RNF157: variants seen among roughly 807,000 people sequenced by gnomAD.
RNF157 encodes the protein ring finger protein 157.
A neutral mutation model predicts 88.3 loss-of-function variants in RNF157; 55 were observed. The observed-to-expected ratio is 0.62, with a 90% confidence interval of 0.50 to 0.78. The LOEUF (loss-of-function observed/expected upper bound fraction) is 0.78, where lower values mean the gene tolerates loss of function less well. Among genes scored for constraint, RNF157 ranks in the 30% least tolerant of loss-of-function variants. RNF157 has a pLI of 0.00. For synonymous variants in RNF157, 334 were observed against 341.2 expected (o/e 0.98, Z 0.23); for missense variants, 788 against 860.8 (o/e 0.92, Z 1.06).
intron 1 of RNF157, among the ~76,000 whole-genome samples, chr17:76,216,857 T>C (rs971939955): frequency 6.6e-6 from 1 of 151,752 alleles, no homozygotes; most frequent in Non-Finnish European, 1.5e-5. Context: ...CGCCATTACA[T>C]TCCAGTCTGG....
intron 2 of RNF157, among the ~76,000 whole-genome samples, chr17:76,204,854 G>A (rs945310602): frequency 1.0e-4 from 15 of 149,526 alleles, no homozygotes; most frequent in African/African-American, 3.5e-4. Context: ...GTGCGATCTC[G>A]GCTCACTGAA....
intron 2 of RNF157, among the ~76,000 whole-genome samples, chr17:76,182,829 C>CTA (rs1294848726): frequency 9.3e-5 from 10 of 107,274 alleles, no homozygotes; most frequent in African/African-American, 3.0e-4. Flanking sequence ...CCTATATATC[C>CTA]TATATATGAT....
At chr17:76,216,282 G>A (rs2069887019) in intron 1 of RNF157, among the ~76,000 whole-genome samples, 1 of 152,172 alleles carries the variant, frequency 6.6e-6, no homozygotes, top group African/African-American at 2.4e-5. Flanking sequence ...GATTGGCTTA[G>A]AGGTGGCCAT....
chr17:76,205,110 T>A (rs972946376), intron 2 of RNF157, among the ~76,000 whole-genome samples: 1 of 150,818 alleles, frequency 6.6e-6, no homozygotes, highest in Non-Finnish European at 1.5e-5. Context: ...CCTCCCTCGT[T>A]CCCTCCCTTC....
At chr17:76,147,429 G>T in intron 18 of RNF157, 1 of 760,650 alleles carries the variant, frequency 1.3e-6, no homozygotes, top group Non-Finnish European at 1.6e-6. Context: ...GCAAGCCATG[G>T]AATGCTGGGC....
At chr17:76,164,680 G>T in intron 8 of RNF157, 68 bp downstream of exon 8, 1 of 886,364 alleles carries the variant, frequency 1.1e-6, no homozygotes, top group Non-Finnish European at 1.7e-6. Context: ...GGAGAGAGAA[G>T]AAGAAAGGAA....
chr17:76,189,331 T>TA (rs2069344502), intron 2 of RNF157, among the ~76,000 whole-genome samples: 2 of 152,170 alleles, frequency 1.3e-5, no homozygotes, highest in Non-Finnish European at 2.9e-5. Context: ...AATAAATTAT[T>TA]AAAAAAATTA....
intron 2 of RNF157, among the ~76,000 whole-genome samples, chr17:76,210,413 A>AC (rs1227010720): frequency 4.0e-5 from 6 of 151,474 alleles, no homozygotes; most frequent in South Asian, 4.2e-4. Context: ...ACACAGTGAA[A>AC]CCCCGTCTCT....
intron 2 of RNF157, among the ~76,000 whole-genome samples, chr17:76,192,841 CTTT>C (rs34816147): frequency 6.7e-5 from 9 of 134,258 alleles, no homozygotes; most frequent in East Asian, 2.1e-4. Context: ...ACTTTCTTTC[CTTT>C]TTTTTTTTTT....
intron 1 of RNF157, 22 bp from the exon 2 acceptor site, chr17:76,212,504 A>T: frequency 6.9e-7 from 1 of 1,442,588 alleles, no homozygotes; most frequent in Non-Finnish European, 9.7e-7. Flanking sequence ...CAAACAAAAA[A>T]AATCAAACAA....
chr17:76,152,555 A>G (rs768224650), intron 17 of RNF157, 90 bp from the exon 18 acceptor site: 17 of 733,410 alleles, frequency 2.3e-5, no homozygotes, highest in Non-Finnish European at 3.4e-5. Context: ...GGATGGAGAC[A>G]AAAAAAATCA....
chr17:76,161,957 A>G lies in RNF157; in HGVS notation c.838T>C (p.Cys280Arg). Residue 280 changes from cysteine (C) to arginine (R), a missense_variant, in exon 10 of 19, where the codon TGT becomes CGT. Transcript: ENST00000269391. This position sits in a 1 kb window ranked among gnomAD's most constrained non-coding sequence, Gnocchi z 4.6. ...AAGGTGTCCCGGACATCCGAGAGAC[A>G]CACCACACACTCGGCACTGTTATCA... is the stretch of plus-strand genomic sequence containing the variant. ...VSDNSAECVV[C>R]LSDVRDTLIL... 1 of 1,614,212 alleles carries G rather than the reference A, an allele frequency of 6.2e-7. No individual in the cohort carries two copies. The highest frequency in any genetic ancestry group is 2.2e-5 in the East Asian group (1 of 44,884).
chr17:76,224,606 C>T (rs902482418), intron 1 of RNF157, among the ~76,000 whole-genome samples: 4 of 151,870 alleles, frequency 2.6e-5, no homozygotes, highest in African/African-American at 9.7e-5. Context: ...TTAAGTTTTC[C>T]CCCTAGAGCA....
rs201495655 is a variant in RNF157, at chr17:76,158,479, C to A, written c.1327G>T (p.Val443Leu). 145 of 1,613,254 alleles carry A rather than the reference C, an allele frequency of 9.0e-5. No homozygotes were observed. The highest frequency in any genetic ancestry group is 1.2e-4 in the Non-Finnish European group (143 of 1,179,464). Residue 443 changes from valine to leucine, a missense_variant, in exon 13 of 19, where the codon GTG becomes TTG. Transcript: ENST00000269391. ...LSKSTSQNSS[V>L]LHEEEDEHSC... is the part of the protein sequence containing the mutation. Reference sequence around the variant, plus strand: ...TGCTCATCTTCCTCTTCATGCAGCACGGAAGAGTTTTGGGAAGTGGATCTG... The same window carrying A: ...TGCTCATCTTCCTCTTCATGCAGCAAGGAAGAGTTTTGGGAAGTGGATCTG...
rs769037752 is a variant in RNF157 at position 76,176,789 on chromosome 17, G to A, written c.208-2999C>T. 6.6e-6 allele frequency among the ~76,000 whole-genome samples: 1 copy of A among 152,080 alleles called. No homozygotes were observed. The highest frequency in any genetic ancestry group is 1.5e-5 in the Non-Finnish European group (1 of 68,012). ...CCAGTGTCCCGCTTGCTCATGGAGCGCCAGGGCCAGGCCTGGGCGCGGAGC... is the reference window on the plus strand; with the variant it reads ...CCAGTGTCCCGCTTGCTCATGGAGCACCAGGGCCAGGCCTGGGCGCGGAGC... On this transcript the variant is annotated intron_variant, in intron 2 of 18. Coordinates refer to ENST00000269391, the MANE Select transcript of RNF157 (RefSeq NM_052916.3). This position sits in a 1 kb window ranked among gnomAD's most constrained non-coding sequence, Gnocchi z 4.2.
intron 1 of RNF157, among the ~76,000 whole-genome samples, chr17:76,237,375 T>C (rs923233576): frequency 4.6e-5 from 7 of 152,222 alleles, no homozygotes; most frequent in Non-Finnish European, 2.9e-5. Context: ...CAGATAGTGG[T>C]CTCAACTTAA....
Position 76,147,391 on chromosome 17 carries a change from A to G in RNF157, c.1922-2038T>C, listed in dbSNP as rs549405193. 8 of 966,078 alleles carry G rather than the reference A, an allele frequency of 8.3e-6. No homozygotes were observed. The African/African-American group carries it at 1.4e-4, about 17-fold the overall frequency. 59.8% of individuals were successfully genotyped at this position (966,078 alleles called of 1,614,324 possible). On this transcript the variant is annotated intron_variant, in intron 18 of 18. Coordinates refer to ENST00000269391, the MANE Select transcript of RNF157 (RefSeq NM_052916.3). Reference sequence around the variant, plus strand: ...ATGCACAAATAAAAACAGCAGCACCACCACCACCACCGCCGCCGCCACCAC... The same window carrying G: ...ATGCACAAATAAAAACAGCAGCACCGCCACCACCACCGCCGCCGCCACCAC...
At chr17:76,239,073 C>G (rs1394731438) in intron 1 of RNF157, among the ~76,000 whole-genome samples, 1 of 152,176 alleles carries the variant, frequency 6.6e-6, no homozygotes, top group African/African-American at 2.4e-5. Context: ...CAAAAAGAGA[C>G]GAGGCTCTGC....
At chr17:76,184,573 G>A (rs958342600) in intron 2 of RNF157, among the ~76,000 whole-genome samples, 2 of 152,158 alleles carry the variant, frequency 1.3e-5, no homozygotes, top group Admixed American at 6.5e-5. Flanking sequence ...ACAGACTGAT[G>A]TGCCTGCTGT....
Sources: gnomAD v4.1 joint callset for allele counts (sites outside exome capture counted in the v4.1 genomes callset) on GRCh38, gnomAD v4.1.1 for gene constraint, Gnocchi (gnomAD v3.1) non-coding constraint, MANE v1.5 for transcripts, NCBI Gene and HGNC (gene_info 2026-07-23, HGNC 2026-07-21) for gene names.